The following RIT2 variants were observed in gnomAD, a reference collection of about 807,000 sequenced individuals.
The protein encoded by RIT2 is GTP-binding protein Rit2.
In RIT2, 24 loss-of-function variants were observed where a neutral mutation model predicts 23.7. The ratio of observed to expected loss-of-function variants is 1.01; its 90% CI spans 0.73 to 1.43. The LOEUF (loss-of-function observed/expected upper bound fraction) is 1.43, where lower values mean the gene tolerates loss of function less well. Among genes scored for constraint, RIT2 ranks in the 40% most tolerant of loss-of-function variants. RIT2 has a pLI of 0.00. For missense variants in RIT2, 236 were observed against 266.9 expected, an observed-to-expected ratio of 0.88 and a Z score of 0.81; for synonymous variants, 107 against 91.1, an observed-to-expected ratio of 1.17 and a Z score of -0.99.
intron 1 of RIT2, among the ~76,000 whole-genome samples, chr18:43,069,776 T>C (rs1434361876): frequency 6.6e-6 from 1 of 152,180 alleles, no homozygotes; most frequent in Non-Finnish European, 1.5e-5. Context: ...TGTTTCTTTC[T>C]GGAGTATTCT....
At chr18:43,111,155 C>A (rs551784469) in intron 1 of RIT2, among the ~76,000 whole-genome samples, 1 of 152,196 alleles carries the variant, frequency 6.6e-6, no homozygotes, top group Admixed American at 6.5e-5. Context: ...CAACAGCATG[C>A]ATGGAAATGG....
At chr18:42,899,682 T>C in intron 4 of RIT2, among the ~76,000 whole-genome samples, 1 of 152,214 alleles carries the variant, frequency 6.6e-6, no homozygotes, top group South Asian at 2.1e-4. Context: ...TCTGAAAATA[T>C]GCATGCTGTC....
intron 2 of RIT2, among the ~76,000 whole-genome samples, chr18:43,011,354 T>C (rs1304594742): frequency 6.6e-6 from 1 of 151,590 alleles, no homozygotes; most frequent in African/African-American, 2.4e-5. Flanking sequence ...CTAAGTGCAA[T>C]AGGAAGCAAA....
chr18:43,032,542 A>T lies in RIT2; in HGVS notation c.160+1269T>A, dbSNP rs565360152. On this transcript the variant is annotated intron_variant, in intron 2 of 4. Transcript: ENST00000326695. ...TGGTACAAAGCTATTGGCATTCTGG[A>T]ATTAAGATATTTAGAAAATGGACTT... is the stretch of plus-strand genomic sequence containing the variant. Among the ~76,000 whole-genome samples, 13 of 152,172 alleles carry T rather than the reference A, an allele frequency of 8.5e-5. No homozygotes were observed. The South Asian group carries it at 2.7e-3, about 32-fold the overall frequency.
intron 1 of RIT2, among the ~76,000 whole-genome samples, chr18:43,078,646 C>T (rs1913081179): frequency 6.6e-6 from 1 of 152,198 alleles, no homozygotes; most frequent in Non-Finnish European, 1.5e-5. Flanking sequence ...GGGAAAAGAG[C>T]ATGGCCACAG....
At chr18:42,753,108 C>T (rs1913085112) in intron 4 of RIT2, among the ~76,000 whole-genome samples, 1 of 152,178 alleles carries the variant, frequency 6.6e-6, no homozygotes, top group South Asian at 2.1e-4. Context: ...GTTGATGAGA[C>T]CACTGGGGCA....
At chr18:42,954,769 C>T (rs111333078) in intron 3 of RIT2, among the ~76,000 whole-genome samples, 8 of 152,090 alleles carry the variant, frequency 5.3e-5, no homozygotes, top group South Asian at 2.1e-4. Context: ...CAGCCCATAC[C>T]GTGAATTTGT....
intron 1 of RIT2, among the ~76,000 whole-genome samples, chr18:43,062,086 C>T (rs551011835): frequency 5.3e-5 from 8 of 152,026 alleles, no homozygotes; most frequent in South Asian, 2.1e-4. Flanking sequence ...AGTGAAGAAG[C>T]GAAGCTCCTG....
At chr18:42,948,045 G>T (rs1909767143) in intron 3 of RIT2, among the ~76,000 whole-genome samples, 1 of 152,016 alleles carries the variant, frequency 6.6e-6, no homozygotes, top group African/African-American at 2.4e-5. Context: ...CTTTTGGAAT[G>T]CAGTTTTCAG....
At chr18:42,787,883 A>C (rs1295090094) in intron 4 of RIT2, among the ~76,000 whole-genome samples, 1 of 152,028 alleles carries the variant, frequency 6.6e-6, no homozygotes, top group Non-Finnish European at 1.5e-5. Context: ...AATATTATTT[A>C]CTTATTAAAA....
chr18:43,104,296 G>A (rs1461193769), intron 1 of RIT2, among the ~76,000 whole-genome samples: 1 of 152,104 alleles, frequency 6.6e-6, no homozygotes, highest in African/African-American at 2.4e-5. Flanking sequence ...GGTAGGATGG[G>A]GAGAGTTTGG....
chr18:43,070,975 A>G (rs1233680818), intron 1 of RIT2, among the ~76,000 whole-genome samples: 1 of 152,190 alleles, frequency 6.6e-6, no homozygotes, highest in East Asian at 1.9e-4. Context: ...GCACTTGTAT[A>G]AAATGTGACT....
At chr18:42,909,992 G>C (rs77103972) in intron 4 of RIT2, among the ~76,000 whole-genome samples, 1 of 152,062 alleles carries the variant, frequency 6.6e-6, no homozygotes, top group Non-Finnish European at 1.5e-5. Context: ...ACCTGAAAGC[G>C]GTTAAGGGGA....
intron 3 of RIT2, among the ~76,000 whole-genome samples, chr18:42,937,210 C>T (rs1453883273): frequency 6.6e-6 from 1 of 152,092 alleles, no homozygotes. Context: ...TATGTTGGTT[C>T]TAACATGGTT....
intron 1 of RIT2, among the ~76,000 whole-genome samples, chr18:43,104,397 G>A (rs1913760276): frequency 6.6e-6 from 1 of 152,060 alleles, no homozygotes; most frequent in South Asian, 2.1e-4. Context: ...ATAATTTATT[G>A]TGTATTTTCA....
At chr18:42,831,967 C>T (rs1273662193) in intron 4 of RIT2, among the ~76,000 whole-genome samples, 1 of 152,118 alleles carries the variant, frequency 6.6e-6, no homozygotes, top group Non-Finnish European at 1.5e-5. Flanking sequence ...ACTTGATATC[C>T]ACTCAATTTT....
chr18:42,929,776 GC>G (rs1274098998), intron 3 of RIT2, among the ~76,000 whole-genome samples: 34 of 152,146 alleles, frequency 2.2e-4, no homozygotes, highest in Non-Finnish European at 4.1e-4. Context: ...AGCTCATGAA[GC>G]CAGTCCCATT....
intron 4 of RIT2, among the ~76,000 whole-genome samples, chr18:42,882,479 C>A (rs1284038254): frequency 6.6e-6 from 1 of 152,202 alleles, no homozygotes; most frequent in African/African-American, 2.4e-5. Context: ...AAGGAACTAT[C>A]AGTCCAGTTA....
chr18:42,944,299 T>G (rs1598725086), intron 3 of RIT2, among the ~76,000 whole-genome samples: 1 of 152,132 alleles, frequency 6.6e-6, no homozygotes, highest in Admixed American at 6.6e-5. Flanking sequence ...CTTTGTTTAC[T>G]TTTTCATTAT....
Sources: allele counts gnomAD v4.1 joint callset (sites outside exome capture counted in the v4.1 genomes callset), GRCh38; gene constraint gnomAD v4.1.1; transcripts MANE v1.5; gene names NCBI Gene and HGNC (gene_info 2026-07-23, HGNC 2026-07-21).